The following ATP13A5 variants were observed in gnomAD, a reference collection of about 807,000 sequenced individuals.
ATP13A5 encodes ATPase 13A5.
A neutral mutation model predicts 150.2 loss-of-function variants in ATP13A5; 149 were observed. That is an observed-to-expected ratio of 0.99 (90% CI 0.87 to 1.14). ATP13A5 has a LOEUF of 1.14. Among genes scored for constraint, ATP13A5 ranks in the 50% most tolerant of loss-of-function variants. ATP13A5 has a pLI of 0.00. For synonymous variants in ATP13A5, 497 were observed against 522.2 expected (o/e 0.95, Z 0.66); for missense variants, 1,383 against 1,449.3 (o/e 0.95, Z 0.74).
At chr3:193,321,399 G>C (rs1322037645) in intron 16 of ATP13A5, among the ~76,000 whole-genome samples, 1 of 152,182 alleles carries the variant, frequency 6.6e-6, no homozygotes, top group African/African-American at 2.4e-5. Context: ...TGGAGGCTGA[G>C]GCAGGCGGAT....
At chr3:193,281,619 G>C (rs1717498226) in intron 27 of ATP13A5, among the ~76,000 whole-genome samples, 1 of 152,114 alleles carries the variant, frequency 6.6e-6, no homozygotes, top group African/African-American at 2.4e-5. Flanking sequence ...GTCAAAGGCT[G>C]TTAAAAAGGG....
intron 16 of ATP13A5, among the ~76,000 whole-genome samples, chr3:193,321,406 G>A (rs923361050): frequency 2.0e-5 from 3 of 152,116 alleles, no homozygotes; most frequent in Non-Finnish European, 4.4e-5. Flanking sequence ...TGAGGCAGGC[G>A]GATCACTTGA....
At chr3:193,292,191 G>A (rs1045679108) in intron 25 of ATP13A5, among the ~76,000 whole-genome samples, 2 of 152,072 alleles carry the variant, frequency 1.3e-5, no homozygotes, top group African/African-American at 4.8e-5. Context: ...CAGGGCTCAG[G>A]AGAAGTGCAA....
At chr3:193,304,995 C>A (rs1381197073) in intron 23 of ATP13A5, among the ~76,000 whole-genome samples, 1 of 139,108 alleles carries the variant, frequency 7.2e-6, no homozygotes, top group Non-Finnish European at 1.6e-5. Flanking sequence ...AGAACAGCAT[C>A]GGGGAAACTG....
In ATP13A5 at chr3:193,351,178, G is replaced by A. The variant is rs1300849995; in HGVS notation, c.630C>T (p.Phe210=). 6.2e-7 allele frequency: 1 copy of A among 1,613,628 alleles called. No individual in the cohort carries two copies. The highest frequency in any genetic ancestry group is 8.5e-7 in the Non-Finnish European group (1 of 1,179,708). ...VKQVLNPFYV[F]QAFTLTLWLS... Reference sequence around the variant, plus strand: ...GCCACAAAGTTAGGGTGAAGGCTTGGAACACATAGAATGGATTTAAAACCT... The same window carrying A: ...GCCACAAAGTTAGGGTGAAGGCTTGAAACACATAGAATGGATTTAAAACCT... The change falls in exon 7 of 30, where the codon TTC becomes TTT. Residue 210 remains phenylalanine, a synonymous_variant. Coordinates refer to ENST00000342358, the MANE Select transcript of ATP13A5 (RefSeq NM_198505.4).
chr3:193,372,224 GA>G, intron 1 of ATP13A5: 1 of 165,666 alleles, frequency 6.0e-6, no homozygotes, highest in Non-Finnish European at 1.3e-5. Flanking sequence ...TTGAACCTGG[GA>G]GGCAGACGTT....
At chr3:193,282,123 A>C (rs1343778079) in intron 27 of ATP13A5, among the ~76,000 whole-genome samples, 1 of 151,850 alleles carries the variant, frequency 6.6e-6, no homozygotes, top group Non-Finnish European at 1.5e-5. Flanking sequence ...TGATCCCGGG[A>C]GGTGAAGGTT....
At chr3:193,286,395 C>G (rs1252556822) in intron 26 of ATP13A5, among the ~76,000 whole-genome samples, 1 of 152,104 alleles carries the variant, frequency 6.6e-6, no homozygotes, top group Admixed American at 6.6e-5. Flanking sequence ...TTGTGGCAAC[C>G]TTGCATCTAG....
intron 28 of ATP13A5, chr3:193,277,705 T>C (rs1717288042): frequency 6.6e-6 from 1 of 152,270 alleles, no homozygotes; most frequent in Admixed American, 6.5e-5. Context: ...AAAGGGTTGT[T>C]TGGAAAAGCT....
rs74476733 is a variant in ATP13A5 at position 193,308,506 on chromosome 3, G to A, written c.2526-1137C>T. On this transcript the variant is annotated intron_variant, in intron 21 of 29. Coordinates refer to ENST00000342358, the MANE Select transcript of ATP13A5 (RefSeq NM_198505.4). Reference sequence around the variant, plus strand: ...TAGGCACACCCCTATGGTTCAATCCGATACTGGGCTGTGTAGATGAAAATA... The same window carrying A: ...TAGGCACACCCCTATGGTTCAATCCAATACTGGGCTGTGTAGATGAAAATA... 8.3e-3 allele frequency among the ~76,000 whole-genome samples: 1,264 copies of A among 152,286 alleles called. 18 individuals carry two copies. Among genetic ancestry groups the A allele is most frequent in the African/African-American group, 0.029 (1,187 of 41,562 alleles).
chr3:193,339,072 G>A (rs183500323), intron 9 of ATP13A5, among the ~76,000 whole-genome samples: 1 of 151,700 alleles, frequency 6.6e-6, no homozygotes, highest in Non-Finnish European at 1.5e-5. Context: ...TGTGGGATTG[G>A]TGGTGATATC....
intron 26 of ATP13A5, among the ~76,000 whole-genome samples, chr3:193,287,240 A>G (rs950290514): frequency 1.3e-5 from 2 of 152,164 alleles, no homozygotes; most frequent in African/African-American, 2.4e-5. Context: ...AGATTTAACT[A>G]AGACAATTAA....
intron 1 of ATP13A5, among the ~76,000 whole-genome samples, chr3:193,375,897 A>C (rs76263827): frequency 6.6e-6 from 1 of 152,190 alleles, no homozygotes; most frequent in African/African-American, 2.4e-5. Context: ...TGATTGAAGG[A>C]GTTCATTATT....
intron 29 of ATP13A5, 35 bp downstream of exon 29, chr3:193,276,715 T>G (rs1300038078): frequency 1.4e-6 from 2 of 1,464,466 alleles, no homozygotes; most frequent in Non-Finnish European, 1.9e-6. Context: ...CTTAATTTGT[T>G]TATCTTCCTA....
At chr3:193,280,321 T>C (rs771189678) in intron 27 of ATP13A5, among the ~76,000 whole-genome samples, 14 of 152,116 alleles carry the variant, frequency 9.2e-5, no homozygotes, top group Non-Finnish European at 1.8e-4. Flanking sequence ...CAAAGTGCTA[T>C]GATTACAGGC....
chr3:193,321,358 C>T lies in ATP13A5; in HGVS notation c.1915+323G>A, dbSNP rs145480270. Among the ~76,000 whole-genome samples the T allele has an allele frequency of 5.4e-3, 828 of 152,214 alleles. 8 individuals are homozygous for T. The highest frequency in any genetic ancestry group is 0.019 in the African/African-American group (791 of 41,542). On this transcript the variant is annotated intron_variant, in intron 16 of 29. Coordinates refer to ENST00000342358, the MANE Select transcript of ATP13A5 (RefSeq NM_198505.4). ...TTATGTATTTGGTCTCGGCTGGCCG[C>T]GGTGGCTCACACCTATAATCCCAGC...
intron 5 of ATP13A5, among the ~76,000 whole-genome samples, chr3:193,354,524 T>C (rs1179181842): frequency 1.3e-5 from 2 of 151,942 alleles, no homozygotes; most frequent in South Asian, 2.1e-4. Flanking sequence ...GACACAGCTA[T>C]GCAGATGTTC....
In ATP13A5 at chr3:193,285,054, G is replaced by A. The variant is rs1717661562; in HGVS notation, c.3086C>T (p.Thr1029Ile). 1 of 1,613,862 alleles carries A rather than the reference G, an allele frequency of 6.2e-7. No individual in the cohort carries two copies. Among genetic ancestry groups the A allele is most frequent in the African/African-American group, 1.3e-5 (1 of 74,908 alleles). Residue 1029 changes from threonine to isoleucine, a missense_variant, in exon 27 of 30, where the codon ACT (threonine) becomes ATT (isoleucine). Thr to Ile is a moderately conservative substitution (Grantham distance 89). Coordinates refer to ENST00000342358, the MANE Select transcript of ATP13A5 (RefSeq NM_198505.4). The part of the protein sequence containing the change: ...STNVSLERNW[T>I]GNATLIPGSI... Reference sequence around the variant, plus strand: ...ACCAGGAATCAGAGTTGCATTTCCAGTCCAGTTTCTTTCCAAACTCACATT... The same window carrying A: ...ACCAGGAATCAGAGTTGCATTTCCAATCCAGTTTCTTTCCAAACTCACATT...
chr3:193,351,288 C>T (rs1405798446), intron 6 of ATP13A5, 87 bp from the exon 7 acceptor site: 21 of 1,468,518 alleles, frequency 1.4e-5, no homozygotes, highest in Non-Finnish European at 1.9e-5. Context: ...ATTTTTTTCT[C>T]ATTTTTTTAC....
Sources: allele counts gnomAD v4.1 joint callset (sites outside exome capture counted in the v4.1 genomes callset), GRCh38; gene constraint gnomAD v4.1.1; transcripts MANE v1.5; gene names NCBI Gene and HGNC (gene_info 2026-07-23, HGNC 2026-07-21).